The following FGF12 variants were observed in gnomAD, a reference collection of about 807,000 sequenced individuals.
The protein encoded by FGF12 is fibroblast growth factor 12B.
A neutral mutation model predicts 23.6 loss-of-function variants in FGF12; 14 were observed. The observed-to-expected ratio is 0.59, with a 90% CI of 0.39 to 0.93. FGF12 has a LOEUF of 0.93. FGF12 is among the 40% of genes least tolerant of loss of function. The pLI, the probability that FGF12 is intolerant of heterozygous loss-of-function variation, is 0.00. For missense variants in FGF12, 175 were observed against 217.8 expected, an observed-to-expected ratio of 0.80 and a Z score of 1.24; for synonymous variants, 62 against 77.3, an observed-to-expected ratio of 0.80 and a Z score of 1.04.
At chr3:192,182,112 T>C (rs1036078262) in intron 4 of FGF12, among the ~76,000 whole-genome samples, 1 of 152,180 alleles carries the variant, frequency 6.6e-6, no homozygotes, top group Non-Finnish European at 1.5e-5. Context: ...GGCTGGATAC[T>C]GGCACATATA....
At chr3:192,613,987 G>T (rs560053583) in intron 2 of FGF12, among the ~76,000 whole-genome samples, 1 of 151,870 alleles carries the variant, frequency 6.6e-6, no homozygotes, top group Non-Finnish European at 1.5e-5. Flanking sequence ...TTGAATCAAA[G>T]TCATAAGAGC....
chr3:192,298,214 C>A (rs977686566), intron 4 of FGF12, among the ~76,000 whole-genome samples: 1 of 152,142 alleles, frequency 6.6e-6, no homozygotes, highest in African/African-American at 2.4e-5. Flanking sequence ...CTGCTATCTG[C>A]AAATCACTGA....
chr3:192,217,858 T>C (rs951362445), intron 4 of FGF12, among the ~76,000 whole-genome samples: 1 of 151,788 alleles, frequency 6.6e-6, no homozygotes, highest in East Asian at 1.9e-4. Context: ...TTTTTTTAGA[T>C]GGAATTTCGC....
intron 4 of FGF12, among the ~76,000 whole-genome samples, chr3:192,330,213 T>C (rs1222600475): frequency 6.6e-6 from 1 of 152,142 alleles, no homozygotes; most frequent in African/African-American, 2.4e-5. Context: ...TTTGCACTAA[T>C]AGAAAACTCC....
intron 4 of FGF12, among the ~76,000 whole-genome samples, chr3:192,278,089 T>C (rs1005203733): frequency 6.6e-6 from 1 of 152,160 alleles, no homozygotes; most frequent in African/African-American, 2.4e-5. Context: ...TTTTACGCTG[T>C]TACCAATCAG....
intron 4 of FGF12, among the ~76,000 whole-genome samples, chr3:192,327,257 C>T (rs1716866745): frequency 6.6e-6 from 1 of 152,156 alleles, no homozygotes; most frequent in African/African-American, 2.4e-5. Context: ...TGCACTAGCA[C>T]AGCCATTAAT....
At chr3:192,524,288 C>T (rs946007787) in intron 2 of FGF12, among the ~76,000 whole-genome samples, 4 of 152,180 alleles carry the variant, frequency 2.6e-5, no homozygotes, top group African/African-American at 7.2e-5. Context: ...TGAATTTTCT[C>T]TGTAAATTGT....
intron 2 of FGF12, among the ~76,000 whole-genome samples, chr3:192,473,991 G>A (rs1421171610): frequency 6.6e-6 from 1 of 152,178 alleles, no homozygotes; most frequent in Non-Finnish European, 1.5e-5. Flanking sequence ...TGGTGTGTGA[G>A]CATGAATTAA....
intron 2 of FGF12, among the ~76,000 whole-genome samples, chr3:192,689,397 G>A (rs1177742497): frequency 6.6e-6 from 1 of 151,916 alleles, no homozygotes; most frequent in Non-Finnish European, 1.5e-5. Context: ...CAGCAAACAA[G>A]AGAGCACAAA....
intron 2 of FGF12, among the ~76,000 whole-genome samples, chr3:192,608,610 G>C (rs1183163135): frequency 6.6e-6 from 1 of 152,092 alleles, no homozygotes; most frequent in East Asian, 1.9e-4. Flanking sequence ...GTGTGTATTA[G>C]GCAGAGCCCA....
intron 2 of FGF12, among the ~76,000 whole-genome samples, chr3:192,650,919 T>C (rs1347141413): frequency 1.3e-5 from 2 of 152,224 alleles, no homozygotes; most frequent in African/African-American, 2.4e-5. Context: ...ATAATGGGTT[T>C]CATTGACCAA....
chr3:192,322,335 GAA>G (rs1716589849), intron 4 of FGF12, among the ~76,000 whole-genome samples: 1 of 151,828 alleles, frequency 6.6e-6, no homozygotes, highest in South Asian at 2.1e-4. Context: ...AAAAAAATGG[GAA>G]ATATTCCATG....
Position 192,470,174 on chromosome 3 carries a change from T to C in FGF12, c.14-109636A>G, listed in dbSNP as rs1723129375. On this transcript the variant is annotated intron_variant, in intron 2 of 5. Coordinates refer to ENST00000445105, the MANE Select transcript of FGF12 (RefSeq NM_004113.6). Reference sequence around the variant, plus strand: ...GCCAATAATAAGATCAGTCTTTAACTTAAAAACAATTTTTTTACTCATATT... The same window carrying C: ...GCCAATAATAAGATCAGTCTTTAACCTAAAAACAATTTTTTTACTCATATT... Among the ~76,000 whole-genome samples, 4 of 152,308 alleles carry C rather than the reference T, an allele frequency of 2.6e-5. No homozygotes were observed. The Middle Eastern group carries it at 0.01, about 389-fold the overall frequency.
rs188693487 is a variant in FGF12, at chr3:192,628,593, G to A, written c.13+98588C>T. Among the ~76,000 whole-genome samples the A allele has an allele frequency of 5.4e-5, 8 of 149,506 alleles. No homozygotes were observed. The East Asian group carries it at 7.8e-4, about 15-fold the overall frequency. On this transcript the variant is annotated intron_variant, in intron 2 of 5. Coordinates refer to ENST00000445105, the MANE Select transcript of FGF12 (RefSeq NM_004113.6). ...ATACATAAATATACAAAGTAAATTC[G>A]GGGCAGCAAATAGATGGAGGACACT...
intron 4 of FGF12, among the ~76,000 whole-genome samples, chr3:192,331,116 A>G (rs914440468): frequency 6.6e-6 from 1 of 152,138 alleles, no homozygotes; most frequent in Non-Finnish European, 1.5e-5. Flanking sequence ...AAAGATGCCC[A>G]TTACTACTAG....
chr3:192,542,767 G>A (rs774143868), intron 2 of FGF12, among the ~76,000 whole-genome samples: 2 of 152,102 alleles, frequency 1.3e-5, no homozygotes, highest in Non-Finnish European at 2.9e-5. Context: ...CAGACTTATA[G>A]AGATACTTCT....
chr3:192,337,374 G>C (rs1248042391), intron 3 of FGF12, among the ~76,000 whole-genome samples: 2 of 152,074 alleles, frequency 1.3e-5, no homozygotes, highest in Non-Finnish European at 2.9e-5. Flanking sequence ...AAGTTAGGTG[G>C]TTTTGCAGAG....
In FGF12 at chr3:192,195,372, C is replaced by G. The variant is rs552327397; in HGVS notation, c.229-24716G>C. Among the ~76,000 whole-genome samples, 9 of 152,294 alleles carry G rather than the reference C, an allele frequency of 5.9e-5. No homozygotes were observed. In the South Asian group the frequency reaches 1.0e-3, roughly 18 times the overall value. The stretch of plus-strand genomic sequence containing the variant: ...TGTTTTGAAATACAGTCATGCACCT[C>G]AAAACATTTAGGTCAAAAACAGAGC... On this transcript the variant is annotated intron_variant, in intron 4 of 5. Coordinates refer to ENST00000445105, the MANE Select transcript of FGF12 (RefSeq NM_004113.6).
At chr3:192,504,119 A>G (rs1012113954) in intron 2 of FGF12, among the ~76,000 whole-genome samples, 6 of 152,258 alleles carry the variant, frequency 3.9e-5, no homozygotes, top group African/African-American at 1.4e-4. Flanking sequence ...GTTCTCACTT[A>G]TAAGTGGGAG....
Sources: gnomAD v4.1 joint callset for allele counts (sites outside exome capture counted in the v4.1 genomes callset) on GRCh38, gnomAD v4.1.1 for gene constraint, MANE v1.5 for transcripts, NCBI Gene and HGNC (gene_info 2026-07-23, HGNC 2026-07-21) for gene names.